DCAF6: variants seen among roughly 807,000 people sequenced by gnomAD.
DCAF6 encodes DDB1 and CUL4 associated factor 6.
DCAF6 carries 54 observed loss-of-function variants against 125.1 expected under a neutral mutation model. The observed-to-expected ratio is 0.43, with a 90% CI of 0.35 to 0.54. The LOEUF (loss-of-function observed/expected upper bound fraction) is 0.54, where lower values mean the gene tolerates loss of function less well. Among genes scored for constraint, DCAF6 ranks in the 20% least tolerant of loss-of-function variants. The pLI is 0.01. For missense variants in DCAF6, 934 were observed against 1,161.7 expected, an observed-to-expected ratio of 0.80 and a Z score of 2.85; for synonymous variants, 371 against 390.4, an observed-to-expected ratio of 0.95 and a Z score of 0.58.
chr1:167,934,346 C>T (rs1169704069), upstream of DCAF6, among the ~76,000 whole-genome samples: 1 of 152,208 alleles, frequency 6.6e-6, no homozygotes, highest in African/African-American at 2.4e-5. Flanking sequence ...GTTGACTTCA[C>T]ATTCAGTTGA....
chr1:168,002,493 A>G lies in DCAF6; in HGVS notation c.915A>G (p.Pro305=), dbSNP rs1281672194. The G allele has an allele frequency of 3.1e-6, 5 of 1,612,894 alleles. No homozygotes were observed. The South Asian group carries it at 4.4e-5, about 14-fold the overall frequency. The stretch of plus-strand genomic sequence containing the variant: ...TTCTTATTTTTTAGTTGCGACAACC[A>G]CCAGTTAAGCGTTTGAGACTTCGTG... ...AEERREELRQ[P]PVKRLRLRGD... Residue 305 remains proline (P), a synonymous_variant, in exon 8 of 22, where the codon CCA becomes CCG. Coordinates refer to ENST00000367840, the MANE Select transcript of DCAF6 (RefSeq NM_001198956.2).
the DCAF6 span, among the ~76,000 whole-genome samples, chr1:167,885,905 C>T: frequency 5.9e-5 from 9 of 152,128 alleles, no homozygotes; most frequent in Non-Finnish European, 8.8e-5. Context: ...TGAGCCACTG[C>T]GCCTGGCCTT....
intron 7 of DCAF6, among the ~76,000 whole-genome samples, chr1:168,001,537 G>GT (rs1219491396): frequency 6.6e-6 from 1 of 152,134 alleles, no homozygotes; most frequent in Non-Finnish European, 1.5e-5. Context: ...ATTGAAGGAG[G>GT]AGTGGTAGAT....
the DCAF6 span, chr1:167,899,371 G>A: frequency 6.4e-7 from 1 of 1,563,682 alleles, no homozygotes; most frequent in Non-Finnish European, 8.8e-7. Context: ...CTGGCAGGGG[G>A]CCTCTGTTAC....
chr1:168,065,883 AGCT>A (rs1276222123), intron 19 of DCAF6, 137 bp downstream of exon 19: 41 of 741,022 alleles, frequency 5.5e-5, no homozygotes, highest in Non-Finnish European at 8.1e-5. Context: ...AGTCAATTAC[AGCT>A]GAACTTGCAC....
chr1:168,049,994 G>A (rs779258249), intron 16 of DCAF6, among the ~76,000 whole-genome samples: 1 of 145,168 alleles, frequency 6.9e-6, no homozygotes, highest in Non-Finnish European at 1.5e-5. Context: ...CAAATCTGTT[G>A]TAAGTGATTT....
chr1:167,908,779 C>A, the DCAF6 span, among the ~76,000 whole-genome samples: 1 of 152,144 alleles, frequency 6.6e-6, no homozygotes, highest in African/African-American at 2.4e-5. Context: ...TCTTAATCAA[C>A]CAAAATAATG....
chr1:167,922,239 T>G, the DCAF6 span, among the ~76,000 whole-genome samples: 2 of 152,162 alleles, frequency 1.3e-5, no homozygotes, highest in Admixed American at 6.5e-5. Context: ...TTTCAACATG[T>G]ACTTAAAATA....
chr1:168,055,022 A>G (rs1026792879), intron 17 of DCAF6, among the ~76,000 whole-genome samples: 1 of 152,096 alleles, frequency 6.6e-6, no homozygotes, highest in Non-Finnish European at 1.5e-5. Context: ...TTTTAACTTG[A>G]TATACTGAAG....
intron 16 of DCAF6, among the ~76,000 whole-genome samples, chr1:168,049,774 G>A (rs1469215428): frequency 2.7e-4 from 39 of 144,604 alleles, no homozygotes; most frequent in African/African-American, 9.9e-4. Context: ...TCCTGCCTCA[G>A]CCTCCCAAGT....
intron 13 of DCAF6, among the ~76,000 whole-genome samples, chr1:168,039,098 C>T (rs1419918059): frequency 6.6e-6 from 1 of 151,934 alleles, no homozygotes; most frequent in Non-Finnish European, 1.5e-5. Context: ...CCAAATAAGG[C>T]TTTAATGAAT....
Position 167,951,840 on chromosome 1 carries a change from C to G in DCAF6, c.138C>G (p.Thr46=), listed in dbSNP as rs745332249. The G allele has an allele frequency of 6.2e-7, 1 of 1,606,712 alleles. No individual in the cohort carries two copies. Among genetic ancestry groups the G allele is most frequent in the South Asian group, 1.1e-5 (1 of 90,704 alleles). Reference sequence around the variant, plus strand: ...TCCAAAGATTAAAACTTGAAGCAACCCTTAATGTGCATGATGGTTGTGTAA... The same window carrying G: ...TCCAAAGATTAAAACTTGAAGCAACGCTTAATGTGCATGATGGTTGTGTAA... ...EFIQRLKLEA[T]LNVHDGCVNT... Residue 46 remains threonine, a synonymous_variant, in exon 2 of 22, where the codon ACC becomes ACG. Coordinates refer to ENST00000367840, the MANE Select transcript of DCAF6 (RefSeq NM_001198956.2).
At chr1:168,019,459 T>C in intron 11 of DCAF6, 1 of 403,660 alleles carries the variant, frequency 2.5e-6, no homozygotes, top group Admixed American at 2.6e-5. Context: ...TATATGTACA[T>C]GTATCAGATG....
intron 6 of DCAF6, among the ~76,000 whole-genome samples, chr1:167,992,821 G>A (rs529410302): frequency 1.3e-5 from 2 of 152,258 alleles, no homozygotes; most frequent in East Asian, 3.9e-4. Context: ...ATCATCTTAA[G>A]GATATTGCAT....
At chr1:168,019,924 TG>T (rs1363299680) in intron 11 of DCAF6, 3 of 154,858 alleles carry the variant, frequency 1.9e-5, no homozygotes, top group African/African-American at 7.2e-5. Context: ...ATGTGTTTGA[TG>T]TTTATAAGTA....
At chr1:168,013,742 T>TTGA (rs1176678236) in intron 10 of DCAF6, among the ~76,000 whole-genome samples, 2 of 152,006 alleles carry the variant, frequency 1.3e-5, no homozygotes, top group Non-Finnish European at 2.9e-5. Context: ...CAAACTTCTC[T>TTGA]TGATTATTAT....
At chr1:168,005,664 A>G (rs912690078) in intron 10 of DCAF6, among the ~76,000 whole-genome samples, 2 of 152,192 alleles carry the variant, frequency 1.3e-5, no homozygotes, top group African/African-American at 4.8e-5. Flanking sequence ...AAAATTTCTA[A>G]CAGCTTAGCT....
intron 18 of DCAF6, 80 bp downstream of exon 18, chr1:168,063,839 A>AT: frequency 7.3e-7 from 1 of 1,362,614 alleles, no homozygotes; most frequent in Admixed American, 2.3e-5. Context: ...TTATCTTCAT[A>AT]TATTGCCAAT....
chr1:167,869,664 G>GT, the DCAF6 span, among the ~76,000 whole-genome samples: 5 of 152,136 alleles, frequency 3.3e-5, no homozygotes, highest in Non-Finnish European at 7.4e-5. Context: ...GTTCTGTTCT[G>GT]TTTCACTGTG....
Sources: gnomAD v4.1 joint callset for allele counts (sites outside exome capture counted in the v4.1 genomes callset) on GRCh38, gnomAD v4.1.1 for gene constraint, MANE v1.5 for transcripts, NCBI Gene and HGNC (gene_info 2026-07-23, HGNC 2026-07-21) for gene names.